RIMBP2: variants seen among roughly 807,000 people sequenced by gnomAD.
The protein encoded by RIMBP2 is RIMS binding protein 2.
A neutral mutation model predicts 118.6 loss-of-function variants in RIMBP2; 48 were observed. The observed-to-expected ratio is 0.40, with a 90% confidence interval of 0.32 to 0.51. The LOEUF is 0.51. RIMBP2 is among the 20% of genes least tolerant of loss of function. The pLI is 0.41. For missense variants in RIMBP2, 1,551 were observed against 1,768.3 expected (o/e 0.88, Z 2.20); for synonymous variants, 762 against 742.9 (o/e 1.03, Z -0.42).
chr12:130,476,105 G>C (rs1593443078), intron 5 of RIMBP2, among the ~76,000 whole-genome samples: 1 of 152,068 alleles, frequency 6.6e-6, no homozygotes, highest in East Asian at 1.9e-4. Context: ...GTGTAGAGGG[G>C]CTGGTGTGGA....
chr12:130,595,970 A>C (rs1263511315), intron 2 of RIMBP2, among the ~76,000 whole-genome samples: 1 of 152,182 alleles, frequency 6.6e-6, no homozygotes, highest in Non-Finnish European at 1.5e-5. Context: ...CCTCTTTTTG[A>C]AAATCTGCTG....
chr12:130,548,495 G>A (rs1021772033), intron 2 of RIMBP2, among the ~76,000 whole-genome samples: 26 of 152,228 alleles, frequency 1.7e-4, no homozygotes, highest in African/African-American at 6.3e-4. Context: ...CCACAAAACT[G>A]CCCTTAAAAT....
At position 130,703,950 on chromosome 12, in the gene RIMBP2, C is replaced by T. The variant is rs2065979561; in HGVS notation, c.-352+12272G>A. On this transcript the variant is annotated intron_variant, in intron 1 of 22. Transcript: ENST00000690449. This position sits in a 1 kb window ranked among gnomAD's most constrained non-coding sequence, Gnocchi z 5.7. ...GCTGTGCTCACCGGTGAGGGGAACA[C>T]ACCACCTTCCTGCTACTTTAGGGAC... Among the ~76,000 whole-genome samples the T allele has an allele frequency of 2.0e-5, 3 of 152,172 alleles. No individual in the cohort carries two copies. The highest frequency in any genetic ancestry group is 4.4e-5 in the Non-Finnish European group (3 of 68,030).
chr12:130,657,514 T>TA (rs2063479457), intron 1 of RIMBP2, among the ~76,000 whole-genome samples: 1 of 152,220 alleles, frequency 6.6e-6, no homozygotes, highest in African/African-American at 2.4e-5. Flanking sequence ...ACTAAACTGA[T>TA]AGAGCTTGGG....
intron 4 of RIMBP2, among the ~76,000 whole-genome samples, chr12:130,481,860 TCAGCCCATTTGGGCCTCG>T (rs1244854746): frequency 6.6e-6 from 1 of 152,046 alleles, no homozygotes; most frequent in African/African-American, 2.4e-5. Context: ...CGCTGGGCTG[TCAGCCCATTTGGGCCTCG>T]CCATTTCTAA....
chr12:130,469,756 T>C lies in RIMBP2; in HGVS notation c.153+937A>G, dbSNP rs1026576320. On this transcript the variant is annotated intron_variant, in intron 6 of 22. Coordinates refer to ENST00000690449, the MANE Select transcript of RIMBP2 (RefSeq NM_001393629.1). This position sits in a 1 kb window ranked among gnomAD's most constrained non-coding sequence, Gnocchi z 4.8. The stretch of plus-strand genomic sequence containing the variant: ...CCCCCAGGGACACAGGACAAGGTCA[T>C]TCTGAAGAGGGCAGCCTCATCCAAT... Among the ~76,000 whole-genome samples, 2 of 152,226 alleles carry C rather than the reference T, an allele frequency of 1.3e-5. No homozygotes were observed. The highest frequency in any genetic ancestry group is 2.1e-4 in the South Asian group (1 of 4,826).
At chr12:130,699,578 T>G (rs1188780987) in intron 1 of RIMBP2, among the ~76,000 whole-genome samples, 3 of 42,272 alleles carry the variant, frequency 7.1e-5, no homozygotes, top group Admixed American at 3.7e-4. Flanking sequence ...GGGACTGTTG[T>G]GGGGTGGGGG....
chr12:130,650,014 A>G (rs2063162251), intron 1 of RIMBP2, among the ~76,000 whole-genome samples: 1 of 151,412 alleles, frequency 6.6e-6, no homozygotes, highest in Non-Finnish European at 1.5e-5. Flanking sequence ...GGTGCAGAGT[A>G]TATTGTTGAA....
intron 2 of RIMBP2, among the ~76,000 whole-genome samples, chr12:130,524,924 C>T (rs2052607072): frequency 6.6e-6 from 1 of 152,264 alleles, no homozygotes; most frequent in African/African-American, 2.4e-5. Flanking sequence ...AGGGATGGGG[C>T]ACGTTCGGTT....
In RIMBP2 at chr12:130,424,716, C is replaced by T; in HGVS notation, c.2555G>A (p.Gly852Asp). ...GECCGLLHKQ[G>D]AGPSPRARTG... ...CCTGGCCCTGGGGGACGGCCCTGCA[C>T]CCTGCTTGTGTAGCAGCCCACAGCA... The change falls in exon 16 of 23, where the codon GGT becomes GAT. Residue 852 changes from glycine (G) to aspartate (D), a missense_variant. By Grantham distance (94) the Gly-to-Asp change is moderately conservative. Transcript: ENST00000690449. The surrounding 1 kb of genome is among the most constrained non-coding windows in gnomAD (Gnocchi z 9.8). 1 of 1,232,286 alleles carries T rather than the reference C, an allele frequency of 8.1e-7. No homozygotes were observed. Among genetic ancestry groups the T allele is most frequent in the East Asian group, 3.2e-5 (1 of 31,680 alleles). The allele number at this position is 1,232,286 out of a possible 1,614,324, so 76.3% of individuals were successfully genotyped here. A position where few individuals can be genotyped will look rare whatever the true frequency, so the allele number is the denominator to read the frequency against.
At chr12:130,512,613 G>A (rs1479621986) in intron 3 of RIMBP2, among the ~76,000 whole-genome samples, 3 of 152,152 alleles carry the variant, frequency 2.0e-5, no homozygotes, top group African/African-American at 4.8e-5. Context: ...GTGAGCCACC[G>A]CACCCGGCCT....
At chr12:130,437,408 C>G (rs2077608864) in intron 12 of RIMBP2, 117 bp from the exon 13 acceptor site, 7 of 843,104 alleles carry the variant, frequency 8.3e-6, no homozygotes, top group South Asian at 1.7e-5. Flanking sequence ...GCCCAGCGAC[C>G]TCCGACTCCA....
intron 1 of RIMBP2, among the ~76,000 whole-genome samples, chr12:130,706,771 C>G (rs1371495578): frequency 6.6e-6 from 1 of 152,238 alleles, no homozygotes; most frequent in Non-Finnish European, 1.5e-5. Context: ...GAGGCCGGCT[C>G]TTGTTTTCAT....
chr12:130,615,544 C>T (rs2060878343), intron 2 of RIMBP2, among the ~76,000 whole-genome samples: 1 of 151,832 alleles, frequency 6.6e-6, no homozygotes, highest in Non-Finnish European at 1.5e-5. Context: ...CTCCTGGCCT[C>T]AAGTGATCTG....
At chr12:130,507,138 T>G (rs546589192) in intron 3 of RIMBP2, among the ~76,000 whole-genome samples, 1 of 152,292 alleles carries the variant, frequency 6.6e-6, no homozygotes, top group South Asian at 2.1e-4. Flanking sequence ...TGCACTTGTA[T>G]AGGAACCCGG....
intron 2 of RIMBP2, among the ~76,000 whole-genome samples, chr12:130,570,073 G>C (rs998806467): frequency 6.6e-6 from 1 of 152,032 alleles, no homozygotes; most frequent in East Asian, 1.9e-4. Flanking sequence ...AGCACAGCCC[G>C]GATCTGCTTG....
chr12:130,519,032 C>G (rs370983434), intron 2 of RIMBP2, among the ~76,000 whole-genome samples: 2 of 152,260 alleles, frequency 1.3e-5, no homozygotes, highest in East Asian at 1.9e-4. Flanking sequence ...GCAGCTGGAA[C>G]CACACCAGCT....
chr12:130,558,842 A>ATGC (rs2056583996), intron 2 of RIMBP2, among the ~76,000 whole-genome samples: 1 of 152,136 alleles, frequency 6.6e-6, no homozygotes, highest in Non-Finnish European at 1.5e-5. Context: ...CCTTGCTAAA[A>ATGC]TGTTAAATGA....
At position 130,475,039 on chromosome 12, in the gene RIMBP2, C is replaced by T. The variant is rs138127614; in HGVS notation, c.102+3873G>A. Among the ~76,000 whole-genome samples the T allele has an allele frequency of 4.3e-4, 65 of 152,322 alleles. No homozygotes were observed. Among genetic ancestry groups the T allele is most frequent in the African/African-American group, 1.5e-3 (64 of 41,574 alleles). On this transcript the variant is annotated intron_variant, in intron 5 of 22. Coordinates refer to ENST00000690449, the MANE Select transcript of RIMBP2 (RefSeq NM_001393629.1). The surrounding 1 kb of genome is among the most constrained non-coding windows in gnomAD (Gnocchi z 4.1). ...GGGAGAGCCTGAGGTTACCAGCAGA[C>T]AGCGTGGGTCCTGGCTTGGCTGCCT...
Sources: gnomAD v4.1 joint callset for allele counts (sites outside exome capture counted in the v4.1 genomes callset) on GRCh38, gnomAD v4.1.1 for gene constraint, Gnocchi (gnomAD v3.1) non-coding constraint, MANE v1.5 for transcripts, NCBI Gene and HGNC (gene_info 2026-07-23, HGNC 2026-07-21) for gene names.